The following WHRN variants were observed in gnomAD, a reference collection of about 807,000 sequenced individuals.
The protein encoded by WHRN is CASK-interacting protein CIP98.
A neutral mutation model predicts 68.3 loss-of-function variants in WHRN; 41 were observed. The observed-to-expected ratio is 0.60, with a 90% CI of 0.47 to 0.78. The LOEUF (loss-of-function observed/expected upper bound fraction) is 0.78. Among genes scored for constraint, WHRN ranks in the 30% least tolerant of loss-of-function variants. WHRN has a pLI of 0.00. For missense variants in WHRN, 1,243 were observed against 1,244.7 expected, an observed-to-expected ratio of 1.00 and a Z score of 0.02; for synonymous variants, 560 against 561.3, an observed-to-expected ratio of 1.00 and a Z score of 0.03.
At chr9:114,424,121 G>A (rs1211823644) in intron 6 of WHRN, among the ~76,000 whole-genome samples, 3 of 152,194 alleles carry the variant, frequency 2.0e-5, no homozygotes, top group African/African-American at 7.2e-5. Flanking sequence ...AAGCCACTGC[G>A]ACAGGGACCC....
At chr9:114,485,957 T>A (rs1255148340) in intron 1 of WHRN, among the ~76,000 whole-genome samples, 9 of 152,040 alleles carry the variant, frequency 5.9e-5, no homozygotes, top group Non-Finnish European at 1.0e-4. Flanking sequence ...GAGACTACGG[T>A]GAGCTATGAT....
At chr9:114,450,054 C>T (rs1010928065) in intron 3 of WHRN, among the ~76,000 whole-genome samples, 1 of 152,108 alleles carries the variant, frequency 6.6e-6, no homozygotes, top group Non-Finnish European at 1.5e-5. Flanking sequence ...TGTGGACCCG[C>T]CCAGGAGTGA....
At chr9:114,470,829 C>A (rs972457903) in intron 2 of WHRN, among the ~76,000 whole-genome samples, 3 of 152,002 alleles carry the variant, frequency 2.0e-5, no homozygotes, top group Non-Finnish European at 4.4e-5. Flanking sequence ...CCCACCCCAC[C>A]CCGGGGCCCT....
At chr9:114,425,843 T>G (rs754732883) in intron 4 of WHRN, 10 of 349,128 alleles carry the variant, frequency 2.9e-5, no homozygotes, top group Non-Finnish European at 4.4e-5. Context: ...TCTGGCCAAA[T>G]ACACCCCAAA....
intron 1 of WHRN, among the ~76,000 whole-genome samples, chr9:114,492,711 C>T (rs1843089576): frequency 6.6e-6 from 1 of 152,094 alleles, no homozygotes; most frequent in Non-Finnish European, 1.5e-5. Flanking sequence ...CCAGGCTCAG[C>T]GTGGTGACTC....
At chr9:114,417,561 AAAGC>A (rs1835905990) in intron 7 of WHRN, among the ~76,000 whole-genome samples, 1 of 152,242 alleles carries the variant, frequency 6.6e-6, no homozygotes, top group Non-Finnish European at 1.5e-5. Flanking sequence ...CGAAGAGGTT[AAAGC>A]AATGTGACAA....
At chr9:114,449,119 C>T (rs763908135) in intron 3 of WHRN, among the ~76,000 whole-genome samples, 39 of 152,326 alleles carry the variant, frequency 2.6e-4, no homozygotes, top group Admixed American at 1.3e-3. Context: ...AATCATTTCC[C>T]TTATGAAAGA....
At chr9:114,462,152 G>T (rs1404356825) in intron 3 of WHRN, among the ~76,000 whole-genome samples, 6 of 152,074 alleles carry the variant, frequency 3.9e-5, no homozygotes, top group Non-Finnish European at 1.5e-5. Context: ...CTGGTGTCTG[G>T]GCACCCTCTT....
intron 4 of WHRN, chr9:114,425,922 G>C (rs190128021): frequency 2.1e-6 from 1 of 474,758 alleles, no homozygotes; most frequent in East Asian, 4.3e-5. Flanking sequence ...GCAGGGTTAT[G>C]GTCCCCACTT....
In WHRN at chr9:114,424,550, C is replaced by T; in HGVS notation, c.1204-4G>A. ...CTGGGCCCTTGTAAAATCCTGGCTG[C>T]AAGACAGAAAGATAGAAGCCCAGGA... On this transcript the variant is annotated splice_polypyrimidine_tract_variant and splice_region_variant and intron_variant, in intron 5 of 11. Coordinates refer to ENST00000362057, the MANE Select transcript of WHRN (RefSeq NM_015404.4). The T allele has an allele frequency of 6.2e-7, 1 of 1,608,046 alleles. No homozygotes were observed. Among genetic ancestry groups the T allele is most frequent in the Non-Finnish European group, 8.5e-7 (1 of 1,177,122 alleles).
At position 114,423,439 on chromosome 9, in the gene WHRN, C is replaced by T. The variant is rs1488225973; in HGVS notation, c.1501G>A (p.Glu501Lys). 6.2e-7 allele frequency: 1 copy of T among 1,614,078 alleles called. No individual in the cohort carries two copies. Among genetic ancestry groups the T allele is most frequent in the South Asian group, 1.1e-5 (1 of 91,074 alleles). ...GGGGGCTGCCGCGCCTTCATGGACTCAATCTCACGCCTCAGCACCAGGTGG... is the reference window on the plus strand; with the variant it reads ...GGGGGCTGCCGCGCCTTCATGGACTTAATCTCACGCCTCAGCACCAGGTGG... The part of the protein sequence containing the change: ...FDHLVLRREI[E>K]SMKARQPPGP... The change falls in exon 7 of 12, where the codon GAG becomes AAG. Residue 501 changes from glutamate to lysine, a missense_variant. Physicochemically the swap from Glu to Lys is moderately conservative, Grantham distance 56. Coordinates refer to ENST00000362057, the MANE Select transcript of WHRN (RefSeq NM_015404.4).
chr9:114,426,787 T>A (rs1388259318), intron 3 of WHRN, among the ~76,000 whole-genome samples: 1 of 152,206 alleles, frequency 6.6e-6, no homozygotes, highest in Non-Finnish European at 1.5e-5. Flanking sequence ...CATCCGTAAT[T>A]TTCCTCCTAC....
chr9:114,425,463 A>C, intron 4 of WHRN: 1 of 420,742 alleles, frequency 2.4e-6, no homozygotes, highest in Non-Finnish European at 4.2e-6. Flanking sequence ...AGACTTCCTG[A>C]TTTTTAAGAA....
intron 1 of WHRN, among the ~76,000 whole-genome samples, chr9:114,489,335 A>G (rs1842777535): frequency 6.6e-6 from 1 of 152,174 alleles, no homozygotes; most frequent in African/African-American, 2.4e-5. Flanking sequence ...ACCTCTCCTG[A>G]AGTTACCAAT....
intron 5 of WHRN, 40 bp downstream of exon 5, chr9:114,424,948 C>A: frequency 6.2e-7 from 1 of 1,600,216 alleles, no homozygotes; most frequent in Non-Finnish European, 8.6e-7. Context: ...ACTCAGGGAG[C>A]TGTGAGGAAG....
At chr9:114,478,185 G>C (rs898683058) in intron 2 of WHRN, 1 of 614,568 alleles carries the variant, frequency 1.6e-6, no homozygotes, top group Non-Finnish European at 2.9e-6. Context: ...CTACTCAGGA[G>C]GCTGAGGCAC....
intron 3 of WHRN, among the ~76,000 whole-genome samples, chr9:114,446,606 T>C (rs867876507): frequency 1.3e-5 from 2 of 152,178 alleles, no homozygotes; most frequent in East Asian, 1.9e-4. Flanking sequence ...GTATTATGTA[T>C]TGAACTTATT....
intron 3 of WHRN, among the ~76,000 whole-genome samples, chr9:114,427,366 G>T (rs574720453): frequency 6.6e-6 from 1 of 152,354 alleles, no homozygotes; most frequent in South Asian, 2.1e-4. Context: ...TGAAAGGGAA[G>T]ATGCTGCAGG....
chr9:114,448,730 C>G (rs1839054723), intron 3 of WHRN, among the ~76,000 whole-genome samples: 2 of 152,284 alleles, frequency 1.3e-5, no homozygotes, highest in East Asian at 3.9e-4. Flanking sequence ...CTAGGGCCTC[C>G]AGCCCATAGC....
Sources: gnomAD v4.1 joint callset for allele counts (sites outside exome capture counted in the v4.1 genomes callset) on GRCh38, gnomAD v4.1.1 for gene constraint, MANE v1.5 for transcripts, NCBI Gene and HGNC (gene_info 2026-07-23, HGNC 2026-07-21) for gene names.